Variants in SPMIP7 observed in about 807,000 individuals in gnomAD.
SPMIP7 encodes protein SPMIP7.
At chr7:50,137,135 G>A in the SPMIP7 span, among the ~76,000 whole-genome samples, 5 of 151,834 alleles carry the variant, frequency 3.3e-5, no homozygotes, top group Non-Finnish European at 7.4e-5. Context: ...AGTATTAGTG[G>A]TATCATACAT....
chr7:50,155,813 A>ACGGC, the SPMIP7 span, among the ~76,000 whole-genome samples: 3 of 152,262 alleles, frequency 2.0e-5, no homozygotes, highest in South Asian at 4.1e-4. Context: ...TACTACACAC[A>ACGGC]TGGCTGTCAT....
the SPMIP7 span, chr7:50,135,971 A>T: frequency 1.9e-5 from 12 of 645,298 alleles, no homozygotes; most frequent in African/African-American, 3.6e-5. Context: ...AAGCTTGGAG[A>T]GTGCGTTTCC....
chr7:50,145,345 C>T, the SPMIP7 span, among the ~76,000 whole-genome samples: 3 of 150,924 alleles, frequency 2.0e-5, no homozygotes, highest in African/African-American at 7.3e-5. Context: ...TGCAAGGGCT[C>T]GGTGAACAAG....
the SPMIP7 span, among the ~76,000 whole-genome samples, chr7:50,118,952 C>T: frequency 3.9e-5 from 6 of 152,284 alleles, no homozygotes; most frequent in South Asian, 1.0e-3. Flanking sequence ...CTTCCATTAT[C>T]CTAAACTCTG....
the SPMIP7 span, among the ~76,000 whole-genome samples, chr7:50,105,640 G>T: frequency 1.3e-5 from 2 of 152,154 alleles, no homozygotes; most frequent in African/African-American, 4.8e-5. Flanking sequence ...CTTTACTCAA[G>T]ATGTCACACA....
the SPMIP7 span, among the ~76,000 whole-genome samples, chr7:50,148,956 C>T: frequency 2.0e-5 from 3 of 152,152 alleles, no homozygotes; most frequent in African/African-American, 4.8e-5. Context: ...ACCAGCCTGA[C>T]CAACAGGGTG....
chr7:50,140,035 A>C, the SPMIP7 span: 1 of 749,430 alleles, frequency 1.3e-6, no homozygotes, highest in Non-Finnish European at 2.1e-6. Context: ...AATTCCTATG[A>C]GATATCTGTG....
At chr7:50,137,801 C>T in the SPMIP7 span, among the ~76,000 whole-genome samples, 3 of 152,154 alleles carry the variant, frequency 2.0e-5, no homozygotes, top group Middle Eastern at 3.2e-3. Flanking sequence ...TGAATTTTCA[C>T]ATCTGTAACT....
chr7:50,100,704 C>T, the SPMIP7 span, among the ~76,000 whole-genome samples: 4 of 151,982 alleles, frequency 2.6e-5, no homozygotes, highest in African/African-American at 9.7e-5. Context: ...CCCAGCTACT[C>T]GGGAGGCTGA....
the SPMIP7 span, among the ~76,000 whole-genome samples, chr7:50,122,237 A>G: frequency 6.6e-6 from 1 of 152,162 alleles, no homozygotes; most frequent in African/African-American, 2.4e-5. Flanking sequence ...ATAAACTAAT[A>G]TAAGAGCCCT....
At chr7:50,158,920 C>T in the SPMIP7 span, 1 of 915,100 alleles carries the variant, frequency 1.1e-6, no homozygotes, top group Non-Finnish European at 1.7e-6. Context: ...GTCATCCTCG[C>T]TCCCTGCCTG....
chr7:50,107,068 C>T, the SPMIP7 span, among the ~76,000 whole-genome samples: 3 of 151,196 alleles, frequency 2.0e-5, no homozygotes, highest in Admixed American at 2.0e-4. Flanking sequence ...AAAACCCCAT[C>T]TCTATTAAAA....
chr7:50,142,346 AT>A, the SPMIP7 span, among the ~76,000 whole-genome samples: 1 of 152,220 alleles, frequency 6.6e-6, no homozygotes, highest in African/African-American at 2.4e-5. Context: ...GTATGGCAAC[AT>A]TTTAAAGATT....
chr7:50,139,394 G>A, the SPMIP7 span, among the ~76,000 whole-genome samples: 1 of 151,248 alleles, frequency 6.6e-6, no homozygotes, highest in South Asian at 2.1e-4. Flanking sequence ...CATATAGCAA[G>A]CTGAAGTTGA....
the SPMIP7 span, among the ~76,000 whole-genome samples, chr7:50,130,903 T>A: frequency 6.6e-6 from 1 of 151,628 alleles, no homozygotes; most frequent in African/African-American, 2.4e-5. Flanking sequence ...AACAGTAGGG[T>A]AAGAGGAGGG....
chr7:50,121,920 G>A, the SPMIP7 span, among the ~76,000 whole-genome samples: 46 of 152,064 alleles, frequency 3.0e-4, no homozygotes, highest in African/African-American at 1.1e-3. Flanking sequence ...ACCTCCCAAA[G>A]TGCTGGGATT....
the SPMIP7 span, among the ~76,000 whole-genome samples, chr7:50,155,126 C>T: frequency 6.6e-6 from 1 of 152,200 alleles, no homozygotes; most frequent in East Asian, 1.9e-4. Flanking sequence ...ATATTTTCCC[C>T]CAGTCTGTAG....
the SPMIP7 span, among the ~76,000 whole-genome samples, chr7:50,137,428 A>G: frequency 1.2e-4 from 18 of 152,120 alleles, no homozygotes; most frequent in African/African-American, 4.3e-4. Context: ...TTATTCATCC[A>G]TTCTCATAAT....
At chr7:50,134,343 A>G in the SPMIP7 span, 2 of 1,053,492 alleles carry the variant, frequency 1.9e-6, no homozygotes, top group Non-Finnish European at 2.6e-6. Flanking sequence ...ATTGTTAACA[A>G]TACCTAAGGA....
Sources: gnomAD v4.1 joint callset for allele counts (sites outside exome capture counted in the v4.1 genomes callset) on GRCh38, gnomAD v4.1.1 for gene constraint, MANE v1.5 for transcripts, NCBI Gene and HGNC (gene_info 2026-07-23, HGNC 2026-07-21) for gene names.